Variants in EPHB1 observed in about 807,000 individuals in gnomAD.
The protein encoded by EPHB1 is EPH receptor B1.
A neutral mutation model predicts 94.4 loss-of-function variants in EPHB1; 30 were observed. That is an observed-to-expected ratio of 0.32 (90% CI 0.24 to 0.43). The LOEUF (loss-of-function observed/expected upper bound fraction) is 0.43. Ranked by LOEUF, EPHB1 falls within the 20% of genes least tolerant of loss-of-function variation. The probability of loss-of-function intolerance (pLI) is 1.00; values close to 1 mark genes in which losing one functional copy is unlikely to be tolerated. For synonymous variants in EPHB1, 522 were observed against 489.1 expected (o/e 1.07, Z -0.89); for missense variants, 1,055 against 1,308.3 (o/e 0.81, Z 2.99).
rs148318322 is a variant in EPHB1, at chr3:135,226,717, C to T, written c.2347-14431C>T. On this transcript the variant is annotated intron_variant, in intron 12 of 15. Coordinates refer to ENST00000398015, the MANE Select transcript of EPHB1 (RefSeq NM_004441.5). ...CATGCAGGAGAAGGGGCTTATTGGT[C>T]CAACTTGGAAGGTTGTTGGCCTATC... is the stretch of plus-strand genomic sequence containing the variant. Among the ~76,000 whole-genome samples the T allele has an allele frequency of 1.5e-4, 23 of 152,210 alleles. No homozygotes were observed. In the East Asian group the frequency reaches 4.4e-3, roughly 29 times the overall value.
intron 1 of EPHB1, among the ~76,000 whole-genome samples, chr3:134,899,105 G>C (rs1439817808): frequency 6.6e-6 from 1 of 152,122 alleles, no homozygotes; most frequent in Admixed American, 6.5e-5. Flanking sequence ...GCTGGACTGT[G>C]GGGTGGAGGA....
intron 5 of EPHB1, among the ~76,000 whole-genome samples, chr3:135,150,685 T>C (rs1340710925): frequency 6.6e-6 from 1 of 152,232 alleles, no homozygotes; most frequent in Non-Finnish European, 1.5e-5. Flanking sequence ...GCCTCTTTAG[T>C]GTTTTCTCCT....
At chr3:134,876,220 G>A (rs574373282) in intron 1 of EPHB1, among the ~76,000 whole-genome samples, 6 of 152,140 alleles carry the variant, frequency 3.9e-5, no homozygotes, top group Non-Finnish European at 8.8e-5. Context: ...ATTGGATAGT[G>A]TGCTGTTCTC....
chr3:134,855,873 A>C (rs1315842568), intron 1 of EPHB1, among the ~76,000 whole-genome samples: 1 of 152,166 alleles, frequency 6.6e-6, no homozygotes, highest in African/African-American at 2.4e-5. Flanking sequence ...TCATCATTTA[A>C]TCTGCAAGCA....
intron 10 of EPHB1, among the ~76,000 whole-genome samples, chr3:135,183,638 C>A (rs925813634): frequency 3.3e-5 from 5 of 152,218 alleles, no homozygotes; most frequent in Admixed American, 3.3e-4. Flanking sequence ...GAATGTGTAG[C>A]CCTGGAGATG....
At chr3:135,219,124 AC>A (rs944664538) in intron 12 of EPHB1, among the ~76,000 whole-genome samples, 1 of 152,176 alleles carries the variant, frequency 6.6e-6, no homozygotes, top group Admixed American at 6.5e-5. Flanking sequence ...CCTCATCAGA[AC>A]AGAGGAGGCT....
rs534179536 is a variant in EPHB1, at chr3:135,106,138, C to T, written c.806-310C>T. On this transcript the variant is annotated intron_variant, in intron 3 of 15. Coordinates refer to ENST00000398015, the MANE Select transcript of EPHB1 (RefSeq NM_004441.5). ...GTAACCATTTATAGAGCACTTATGT[C>T]CCAGGAACTGAGCTACACTTTAGAT... 8.5e-5 allele frequency among the ~76,000 whole-genome samples: 13 copies of T among 152,260 alleles called. No homozygotes were observed. The South Asian group carries it at 1.0e-3, about 12-fold the overall frequency.
intron 2 of EPHB1, among the ~76,000 whole-genome samples, chr3:134,941,152 G>A (rs1051615289): frequency 2.0e-5 from 3 of 152,234 alleles, no homozygotes; most frequent in Admixed American, 6.5e-5. Context: ...TGGGGTGGGG[G>A]ACATTGCATC....
intron 11 of EPHB1, among the ~76,000 whole-genome samples, chr3:135,197,631 T>C (rs1045910229): frequency 6.6e-6 from 1 of 152,214 alleles, no homozygotes; most frequent in Non-Finnish European, 1.5e-5. Flanking sequence ...CCTTCCTGTC[T>C]AATATAAGGG....
At chr3:135,019,888 A>G (rs1400265938) in intron 3 of EPHB1, among the ~76,000 whole-genome samples, 1 of 152,192 alleles carries the variant, frequency 6.6e-6, no homozygotes, top group African/African-American at 2.4e-5. Context: ...TTTTGTGCTT[A>G]TTTCTTTAGA....
intron 3 of EPHB1, among the ~76,000 whole-genome samples, chr3:135,083,395 G>A (rs1027198565): frequency 2.0e-5 from 3 of 151,850 alleles, no homozygotes; most frequent in Non-Finnish European, 2.9e-5. Context: ...AGCTCAGAAC[G>A]TAGAGATGAC....
chr3:134,800,016 G>C (rs929171924), intron 1 of EPHB1, among the ~76,000 whole-genome samples: 8 of 152,094 alleles, frequency 5.3e-5, no homozygotes, highest in Admixed American at 5.2e-4. Context: ...TGTGAACTCG[G>C]GGCAATGAAA....
chr3:134,815,751 G>A (rs1033441930), intron 1 of EPHB1, among the ~76,000 whole-genome samples: 3 of 151,388 alleles, frequency 2.0e-5, no homozygotes, highest in African/African-American at 7.2e-5. Flanking sequence ...TGATGCCAGG[G>A]ACTTTCTTTG....
chr3:134,873,555 T>A (rs1578158667), intron 1 of EPHB1, among the ~76,000 whole-genome samples: 3 of 152,352 alleles, frequency 2.0e-5, no homozygotes, highest in East Asian at 1.9e-4. Flanking sequence ...TACACGCTGT[T>A]GTTAATTTAC....
rs893116617 is a variant in EPHB1, at chr3:135,067,195, GA to G, written c.806-39252del. On this transcript the variant is annotated intron_variant, in intron 3 of 15. Coordinates refer to ENST00000398015, the MANE Select transcript of EPHB1 (RefSeq NM_004441.5). Reference sequence around the variant, plus strand: ...CTGCCAGGAGGTGGTGCTTTCAAGAGAGCATCAGCTGTGGTAGTATGGAGAG... The same window carrying G: ...CTGCCAGGAGGTGGTGCTTTCAAGAGGCATCAGCTGTGGTAGTATGGAGAG... Among the ~76,000 whole-genome samples the G allele has an allele frequency of 3.5e-4, 53 of 152,294 alleles. 1 individual carries two copies. The highest frequency in any genetic ancestry group is 1.2e-3 in the African/African-American group (51 of 41,540).
intron 1 of EPHB1, among the ~76,000 whole-genome samples, chr3:134,818,980 G>A (rs2036327028): frequency 6.6e-6 from 1 of 152,214 alleles, no homozygotes; most frequent in Admixed American, 6.5e-5. Flanking sequence ...AGCCTGGCTG[G>A]AAACAGGAGG....
intron 1 of EPHB1, among the ~76,000 whole-genome samples, chr3:134,854,325 G>C (rs542646060): frequency 6.6e-6 from 1 of 152,128 alleles, no homozygotes; most frequent in Non-Finnish European, 1.5e-5. Flanking sequence ...GAAAGGAGCC[G>C]TTTGGGAGGA....
At chr3:134,884,795 G>C (rs957597413) in intron 1 of EPHB1, among the ~76,000 whole-genome samples, 9 of 152,186 alleles carry the variant, frequency 5.9e-5, no homozygotes, top group African/African-American at 2.2e-4. Flanking sequence ...CTGTGTGTGG[G>C]CACAAGGGAG....
rs1425175262 is a variant in EPHB1 at position 134,795,311 on chromosome 3, C to CACCAGG, written c.-318_-313dup. The stretch of plus-strand genomic sequence containing the variant: ...GGCTCCGCTGTAGCTAGCAATGTGA[C>CACCAGG]ACCAGGACGCACTCGCTCTCGCGCG... On this transcript the variant is annotated 5_prime_UTR_variant, in exon 1 of 16. Coordinates refer to ENST00000398015, the MANE Select transcript of EPHB1 (RefSeq NM_004441.5). 4 of 457,768 alleles carry CACCAGG rather than the reference C, an allele frequency of 8.7e-6. No homozygotes were observed. The highest frequency in any genetic ancestry group is 1.5e-5 in the Non-Finnish European group (4 of 258,576). The allele number at this position is 457,768 out of a possible 1,614,324, so 28.4% of individuals were successfully genotyped here. A position where few individuals can be genotyped will look rare whatever the true frequency, so the allele number is the denominator to read the frequency against.
Sources: allele counts gnomAD v4.1 joint callset (sites outside exome capture counted in the v4.1 genomes callset), GRCh38; gene constraint gnomAD v4.1.1; transcripts MANE v1.5; gene names NCBI Gene and HGNC (gene_info 2026-07-23, HGNC 2026-07-21).